SLCO2A1: variants seen among roughly 807,000 people sequenced by gnomAD.
SLCO2A1 encodes solute carrier organic anion transporter family member 2A1, also known as matrin F/G 1.
Under a neutral mutation model 71.7 loss-of-function variants are expected in SLCO2A1, and 60 were observed. That is an observed-to-expected ratio of 0.84 (90% CI 0.68 to 1.04). SLCO2A1 has a LOEUF of 1.04. SLCO2A1 is among the 50% of genes least tolerant of loss of function. The pLI, the probability that SLCO2A1 is intolerant of heterozygous loss-of-function variation, is 0.00. For missense variants in SLCO2A1, 745 were observed against 813.4 expected, an observed-to-expected ratio of 0.92 and a Z score of 1.02; for synonymous variants, 308 against 326.7, an observed-to-expected ratio of 0.94 and a Z score of 0.62.
chr3:134,018,168 C>G (rs1935500601), intron 1 of SLCO2A1, among the ~76,000 whole-genome samples: 1 of 145,068 alleles, frequency 6.9e-6, no homozygotes, highest in Admixed American at 6.8e-5. Context: ...GGAAGCAGGC[C>G]TCTCAGGAGG....
At chr3:133,947,505 C>T (rs1218116558) in intron 8 of SLCO2A1, 60 bp from the exon 9 acceptor site, 13 of 1,415,968 alleles carry the variant, frequency 9.2e-6, no homozygotes, top group African/African-American at 1.4e-5. Context: ...ATGTGGGCTA[C>T]AAACACTGAG....
chr3:133,979,134 G>T (rs1041967060), intron 2 of SLCO2A1, among the ~76,000 whole-genome samples: 1 of 152,178 alleles, frequency 6.6e-6, no homozygotes, highest in African/African-American at 2.4e-5. Context: ...ATTTGAAGGC[G>T]GACAGCCCTG....
At chr3:133,982,831 C>G (rs570130347) in intron 1 of SLCO2A1, among the ~76,000 whole-genome samples, 2 of 152,106 alleles carry the variant, frequency 1.3e-5, no homozygotes, top group Admixed American at 1.3e-4. Flanking sequence ...AGCACAAACA[C>G]GAGCAGGTCA....
intron 1 of SLCO2A1, among the ~76,000 whole-genome samples, chr3:134,011,764 C>T (rs4854787): frequency 0.11 from 17,234 of 152,216 alleles, 1,260 homozygotes; most frequent in East Asian, 0.37. Context: ...CCCTTTTCTA[C>T]TTCCTCCAGA....
At chr3:134,006,982 C>T (rs1424961664) in intron 1 of SLCO2A1, among the ~76,000 whole-genome samples, 1 of 152,192 alleles carries the variant, frequency 6.6e-6, no homozygotes, top group Admixed American at 6.5e-5. Flanking sequence ...CTCAAAAACA[C>T]TTGTTATATT....
chr3:134,019,639 T>C (rs1678810371), intron 1 of SLCO2A1, among the ~76,000 whole-genome samples: 2 of 152,188 alleles, frequency 1.3e-5, no homozygotes, highest in Admixed American at 1.3e-4. Context: ...TACCAGCTCT[T>C]GCAGGTAAGG....
chr3:133,942,644 G>T lies in SLCO2A1; in HGVS notation c.1586C>A (p.Ala529Asp), dbSNP rs757138398. Residue 529 changes from alanine (A) to aspartate (D), a missense_variant, in exon 11 of 14, where the codon GCC (alanine) becomes GAC (aspartate). By Grantham distance (126) the Ala-to-Asp change is moderately radical. Transcript: ENST00000310926. The stretch of plus-strand genomic sequence containing the variant: ...GTAGAGGGGGTTGTGGGAGATGCAG[G>T]CTATCAGGGACACGAAGGAGATGAG... ...IFLISFVSLIACISHNPLYMM... is the reference protein window; with the variant it reads ...IFLISFVSLIDCISHNPLYMM... The T allele has an allele frequency of 6.2e-7, 1 of 1,613,834 alleles. No individual in the cohort carries two copies. The highest frequency in any genetic ancestry group is 8.5e-7 in the Non-Finnish European group (1 of 1,179,890).
At position 133,938,501 on chromosome 3, in the gene SLCO2A1, GAC is replaced by G. The variant is rs754973902; in HGVS notation, c.1626-10_1626-9del. The G allele has an allele frequency of 1.9e-6, 3 of 1,613,972 alleles. No homozygotes were observed. In the South Asian group the frequency reaches 3.3e-5, roughly 18 times the overall value. ...TCCTCCTGGTTCACCACACTGAAAAGACAGACAGGAAATCAGCAGTGGGAGGA... is the reference window on the plus strand; with the variant it reads ...TCCTCCTGGTTCACCACACTGAAAAGAGACAGGAAATCAGCAGTGGGAGGA... On this transcript the variant is annotated splice_polypyrimidine_tract_variant and intron_variant, in intron 11 of 13. Transcript: ENST00000310926.
At position 133,942,145 on chromosome 3, in the gene SLCO2A1, C is replaced by T. The variant is rs574346338; in HGVS notation, c.1625+460G>A. 2.0e-5 allele frequency among the ~76,000 whole-genome samples: 3 copies of T among 152,352 alleles called. No individual in the cohort carries two copies. The East Asian group carries it at 5.8e-4, about 29-fold the overall frequency. On this transcript the variant is annotated intron_variant, in intron 11 of 13. Coordinates refer to ENST00000310926, the MANE Select transcript of SLCO2A1 (RefSeq NM_005630.3). ...AGAAGCTGGGATTACAGGCACTGGC[C>T]ACCACGCCCAGCTAATTTTTGTATT...
At chr3:134,029,473 AACACAC>A (rs146731617) in intron 1 of SLCO2A1, among the ~76,000 whole-genome samples, 1 of 149,890 alleles carries the variant, frequency 6.7e-6, no homozygotes, top group South Asian at 2.1e-4. Flanking sequence ...AAGGCGTGTG[AACACAC>A]ACACACACAC....
Position 133,979,568 on chromosome 3 carries a change from G to T in SLCO2A1, c.147C>A (p.Ser49Arg), listed in dbSNP as rs143124199. The T allele has an allele frequency of 6.2e-7, 1 of 1,614,094 alleles. No homozygotes were observed. Among genetic ancestry groups the T allele is most frequent in the Admixed American group, 1.7e-5 (1 of 60,014 alleles). Residue 49 changes from serine (S) to arginine (R), a missense_variant, in exon 2 of 14, where the codon AGC becomes AGA. By Grantham distance (110) the Ser-to-Arg change is moderately radical. Coordinates refer to ENST00000310926, the MANE Select transcript of SLCO2A1 (RefSeq NM_005630.3). ...GLLQLCQLLY[S>R]AYFKSSLTTI... ...TGGTGAGGCTGCTCTTGAAGTAGGC[G>T]CTGTACAGGAGTTGGCAGAGCTGCA...
intron 1 of SLCO2A1, among the ~76,000 whole-genome samples, chr3:134,010,580 T>C (rs1034662081): frequency 1.1e-4 from 16 of 151,878 alleles, no homozygotes; most frequent in Admixed American, 5.2e-4. Flanking sequence ...GGTTAAACCC[T>C]GTCTCTACTA....
intron 1 of SLCO2A1, among the ~76,000 whole-genome samples, chr3:133,994,798 C>T (rs1315837323): frequency 6.6e-6 from 1 of 152,186 alleles, no homozygotes; most frequent in Non-Finnish European, 1.5e-5. Flanking sequence ...GTCTCCTCCC[C>T]ATTCCAGTTC....
intron 3 of SLCO2A1, among the ~76,000 whole-genome samples, chr3:133,972,714 A>C (rs1019468807): frequency 3.9e-5 from 6 of 152,350 alleles, no homozygotes; most frequent in Admixed American, 2.6e-4. Flanking sequence ...GAGGCATGGT[A>C]CCTTCAAAGT....
chr3:134,002,280 G>A (rs942273547), intron 1 of SLCO2A1, among the ~76,000 whole-genome samples: 3 of 152,114 alleles, frequency 2.0e-5, no homozygotes, highest in African/African-American at 4.8e-5. Context: ...AGAAGGCTCC[G>A]TCCTCAGCAC....
intron 9 of SLCO2A1, 24 bp downstream of exon 9, chr3:133,947,232 C>G (rs1933604428): frequency 6.3e-7 from 1 of 1,594,746 alleles, no homozygotes. Context: ...TAAAGGGGAT[C>G]TCTCTACCCC....
At chr3:133,963,498 C>T (rs761238466) in intron 3 of SLCO2A1, among the ~76,000 whole-genome samples, 9 of 152,210 alleles carry the variant, frequency 5.9e-5, no homozygotes, top group Non-Finnish European at 1.0e-4. Flanking sequence ...TTTGACTAGT[C>T]ATTCTCATCA....
intron 3 of SLCO2A1, among the ~76,000 whole-genome samples, chr3:133,966,890 C>T (rs541818836): frequency 6.6e-6 from 1 of 152,182 alleles, no homozygotes; most frequent in South Asian, 2.1e-4. Context: ...TTGGGGACCT[C>T]AAGGCATCTT....
At chr3:133,996,138 G>A (rs1178411139) in intron 1 of SLCO2A1, among the ~76,000 whole-genome samples, 6 of 152,180 alleles carry the variant, frequency 3.9e-5, no homozygotes, top group Non-Finnish European at 5.9e-5. Flanking sequence ...TGAACAGCCC[G>A]AGGAGGTTTC....
Sources: gnomAD v4.1 joint callset for allele counts (sites outside exome capture counted in the v4.1 genomes callset) on GRCh38, gnomAD v4.1.1 for gene constraint, MANE v1.5 for transcripts, NCBI Gene and HGNC (gene_info 2026-07-23, HGNC 2026-07-21) for gene names.